Variants in SDR42E1 observed in about 807,000 individuals in gnomAD.
SDR42E1 encodes the protein short-chain dehydrogenase/reductase family 42E member 1.
A neutral mutation model predicts 2.6 loss-of-function variants in SDR42E1; 5 were observed. The observed-to-expected ratio is 1.94, with a 90% confidence interval of 1.01 to 4.08. The LOEUF is 4.08. Among genes scored for constraint, SDR42E1 ranks in the 30% most tolerant of loss-of-function variants. The pLI is 0.00. For missense variants in SDR42E1, 596 were observed against 478.6 expected (o/e 1.25, Z -2.29); for synonymous variants, 231 against 188.3 (o/e 1.23, Z -1.86).
chr16:82,007,011 T>C (rs1912962090), intron 1 of SDR42E1, among the ~76,000 whole-genome samples: 1 of 152,268 alleles, frequency 6.6e-6, no homozygotes, highest in Non-Finnish European at 1.5e-5. Flanking sequence ...TCTGCCTAGA[T>C]ACTTGTGGCA....
chr16:82,005,202 C>G (rs1022134706), intron 1 of SDR42E1, among the ~76,000 whole-genome samples: 6 of 152,172 alleles, frequency 3.9e-5, no homozygotes, highest in African/African-American at 1.2e-4. Context: ...GCACATTAAT[C>G]AAGTAAGGAA....
At position 81,995,436 on chromosome 16, in the gene SDR42E1, A is replaced by G. The variant is rs2143834448; in HGVS notation, c.*3675T>C. ...GGAGCTCCCTTTCAGGAAATAGACT[A>G]AGTCTTTTAAAGTGGTGAGTTTTCA... On this transcript the variant is annotated 3_prime_UTR_variant, in exon 3 of 3. Transcript: ENST00000328945. The G allele has an allele frequency of 6.6e-6, 1 of 152,306 alleles. No homozygotes were observed. Among genetic ancestry groups the G allele is most frequent in the Admixed American group, 6.5e-5 (1 of 15,290 alleles). 9.4% of individuals were successfully genotyped at this position (152,306 alleles called of 1,614,324 possible). A position where few individuals can be genotyped will look rare whatever the true frequency, so the allele number is the denominator to read the frequency against.
At position 82,011,140 on chromosome 16, in the gene SDR42E1, C is replaced by G. The variant is rs1000167790; in HGVS notation, c.-27+247G>C. ...GTTCGGAGCTTGGGGCCCCGATGTCCTTAAAAACAAAAAATGCGGAGGGCC... is the reference window on the plus strand; with the variant it reads ...GTTCGGAGCTTGGGGCCCCGATGTCGTTAAAAACAAAAAATGCGGAGGGCC... On this transcript the variant is annotated intron_variant, in intron 1 of 2. Transcript: ENST00000328945. Among the ~76,000 whole-genome samples the G allele has an allele frequency of 2.0e-5, 3 of 152,306 alleles. No homozygotes were observed. The East Asian group carries it at 5.8e-4, about 29-fold the overall frequency.
In SDR42E1 at chr16:81,991,335, A is replaced by ATTTGTT. The variant is rs1181286075; in HGVS notation, c.*7775_*7776insAACAAA. 1.3e-5 allele frequency: 2 copies of ATTTGTT among 152,172 alleles called. No individual in the cohort carries two copies. Among genetic ancestry groups the ATTTGTT allele is most frequent in the African/African-American group, 4.8e-5 (2 of 41,440 alleles). 9.4% of individuals were successfully genotyped at this position (152,172 alleles called of 1,614,324 possible). A position where few individuals can be genotyped will look rare whatever the true frequency, so the allele number is the denominator to read the frequency against. On this transcript the variant is annotated 3_prime_UTR_variant, in exon 3 of 3. Transcript: ENST00000328945. ...TTTACAGTTACTCATTTTTTGTAAC[A>ATTTGTT]AATAGTTTACTTTAATTGCAAATGA...
chr16:82,009,349 C>T (rs62046298), intron 1 of SDR42E1, among the ~76,000 whole-genome samples: 45,764 of 152,156 alleles, frequency 0.3, 8,412 homozygotes, highest in Admixed American at 0.48. Flanking sequence ...AGAAAAGCAG[C>T]AGACACTAAA....
rs973778734 is a variant in SDR42E1, at chr16:81,994,713, G to C, written c.*4398C>G. 6.6e-6 allele frequency: 1 copy of C among 152,172 alleles called. No homozygotes were observed. The highest frequency in any genetic ancestry group is 1.9e-4 in the East Asian group (1 of 5,188). 9.4% of individuals were successfully genotyped at this position (152,172 alleles called of 1,614,324 possible). ...TGGCCCTATAATGATGTCTAATTGG[G>C]TCAGAGCTGGGGCGTGGCATTCTGC... is the stretch of plus-strand genomic sequence containing the variant. On this transcript the variant is annotated 3_prime_UTR_variant, in exon 3 of 3. Transcript: ENST00000328945.
In SDR42E1 at chr16:81,995,041, A is replaced by G. The variant is rs1421390354; in HGVS notation, c.*4070T>C. 2 of 152,350 alleles carry G rather than the reference A, an allele frequency of 1.3e-5. No homozygotes were observed. The highest frequency in any genetic ancestry group is 2.1e-4 in the South Asian group (1 of 4,828). 9.4% of individuals were successfully genotyped at this position (152,350 alleles called of 1,614,324 possible). A position where few individuals can be genotyped will look rare whatever the true frequency, so the allele number is the denominator to read the frequency against. On this transcript the variant is annotated 3_prime_UTR_variant, in exon 3 of 3. Coordinates refer to ENST00000328945, the MANE Select transcript of SDR42E1 (RefSeq NM_145168.3). ...ACCAGAAACGGCACTGAGGACATCC[A>G]AGAAGTATTTCCAACAGGCTTTCCA...
intron 1 of SDR42E1, among the ~76,000 whole-genome samples, chr16:82,008,722 A>G (rs1035304633): frequency 1.3e-5 from 2 of 152,222 alleles, no homozygotes; most frequent in Non-Finnish European, 2.9e-5. Flanking sequence ...GATACAAAAG[A>G]AAAGAAAAAC....
chr16:81,999,903 A>G lies in SDR42E1; in HGVS notation c.390T>C (p.Gly130=). Residue 130 remains glycine (G), a synonymous_variant, in exon 3 of 3, where the codon GGT becomes GGC. Transcript: ENST00000328945. ...YTSTFNVIFG[G]QVIRNGDESL... The stretch of plus-strand genomic sequence containing the variant: ...ATTCATCCCCATTTCTGATAACTTG[A>G]CCTCCAAAGATGACATTGAAAGTGC... The G allele has an allele frequency of 1.2e-6, 2 of 1,613,974 alleles. No homozygotes were observed. Among genetic ancestry groups the G allele is most frequent in the Non-Finnish European group, 1.7e-6 (2 of 1,180,010 alleles).
Position 81,999,865 on chromosome 16 carries a change from A to C in SDR42E1, c.428T>G (p.Leu143Arg). The change falls in exon 3 of 3, where the codon CTG becomes CGG. Residue 143 changes from leucine (L) to arginine (R), a missense_variant. Transcript: ENST00000328945. Reference sequence around the variant, plus strand: ...GTGATCAGGGTGGAGGTGAAGAGGCAGGTAGGGCAGAGATTCATCCCCATT... The same window carrying C: ...GTGATCAGGGTGGAGGTGAAGAGGCCGGTAGGGCAGAGATTCATCCCCATT... ...IRNGDESLPY[L>R]PLHLHPDHYS... The C allele has an allele frequency of 6.2e-7, 1 of 1,614,204 alleles. No individual in the cohort carries two copies. Among genetic ancestry groups the C allele is most frequent in the Non-Finnish European group, 8.5e-7 (1 of 1,180,042 alleles).
In SDR42E1 at chr16:82,000,982, T is replaced by C. The variant is rs75344292; in HGVS notation, c.-26-98A>G. The C allele has an allele frequency of 6.9e-6, 5 of 728,502 alleles. No individual in the cohort carries two copies. In the East Asian group the frequency reaches 1.1e-4, roughly 16 times the overall value. 45.1% of individuals were successfully genotyped at this position (728,502 alleles called of 1,614,324 possible). A position where few individuals can be genotyped will look rare whatever the true frequency, so the allele number is the denominator to read the frequency against. ...AAAACAAAAAGTCAATACGCTGTAG[T>C]AGAATGAAAAGGTGAGGTCTGGGTC... is the stretch of plus-strand genomic sequence containing the variant. On this transcript the variant is annotated intron_variant, in intron 1 of 2. Coordinates refer to ENST00000328945, the MANE Select transcript of SDR42E1 (RefSeq NM_145168.3).
chr16:81,992,565 G>C lies in SDR42E1; in HGVS notation c.*6546C>G, dbSNP rs1055567462. On this transcript the variant is annotated 3_prime_UTR_variant, in exon 3 of 3. Coordinates refer to ENST00000328945, the MANE Select transcript of SDR42E1 (RefSeq NM_145168.3). ...CTTGGATCTGAAATATGGCTCCACT[G>C]GGAGGCTAGAGCAAAAGATATGTAG... 1 of 152,086 alleles carries C rather than the reference G, an allele frequency of 6.6e-6. No homozygotes were observed. The highest frequency in any genetic ancestry group is 2.4e-5 in the African/African-American group (1 of 41,404). The allele number at this position is 152,086 out of a possible 1,614,324, so 9.4% of individuals were successfully genotyped here.
intron 2 of SDR42E1, 21 bp downstream of exon 2, chr16:82,000,770 A>G (rs751213010): frequency 6.4e-7 from 1 of 1,550,444 alleles, no homozygotes; most frequent in Non-Finnish European, 8.9e-7. Flanking sequence ...TTCCATGTGT[A>G]TATTTTATAG....
rs138367869 is a variant in SDR42E1 at position 82,006,767 on chromosome 16, C to G, written c.-27+4620G>C. Among the ~76,000 whole-genome samples, 303 of 152,228 alleles carry G rather than the reference C, an allele frequency of 2.0e-3. 1 individual carries two copies. Among genetic ancestry groups the G allele is most frequent in the African/African-American group, 6.9e-3 (286 of 41,520 alleles). ...GCAGACTGCACCACTATACTCCAGT[C>G]TAGGCGACAGAGGGAGATTCCATCT... On this transcript the variant is annotated intron_variant, in intron 1 of 2. Transcript: ENST00000328945.
chr16:82,003,669 G>T (rs1411488607), intron 1 of SDR42E1, among the ~76,000 whole-genome samples: 4 of 152,186 alleles, frequency 2.6e-5, no homozygotes, highest in African/African-American at 9.6e-5. Context: ...AGACTTCTCT[G>T]ATCACCCTAG....
chr16:82,005,796 A>T (rs572749911), intron 1 of SDR42E1, among the ~76,000 whole-genome samples: 1 of 152,186 alleles, frequency 6.6e-6, no homozygotes, highest in East Asian at 1.9e-4. Context: ...ATTTTAGTGG[A>T]TACAGGTTAA....
chr16:82,003,392 C>A (rs918859839), intron 1 of SDR42E1, among the ~76,000 whole-genome samples: 14 of 152,208 alleles, frequency 9.2e-5, no homozygotes, highest in Non-Finnish European at 1.8e-4. Flanking sequence ...CACAACCCTT[C>A]ATGATGAATG....
In SDR42E1 at chr16:81,999,718, C is replaced by A. The variant is rs1326919865; in HGVS notation, c.575G>T (p.Gly192Val). 1 of 1,614,162 alleles carries A rather than the reference C, an allele frequency of 6.2e-7. No individual in the cohort carries two copies. Among genetic ancestry groups the A allele is most frequent in the East Asian group, 2.2e-5 (1 of 44,878 alleles). Residue 192 changes from glycine (G) to valine (V), a missense_variant, in exon 3 of 3, where the codon GGA becomes GTA. By Grantham distance (109) the Gly-to-Val change is moderately radical. Coordinates refer to ENST00000328945, the MANE Select transcript of SDR42E1 (RefSeq NM_145168.3). ...TATCCTGGGAAGGTGTCTTTGTTCT[C>A]CAGGCCCATAGATGCCAGCTGGCCT... is the stretch of plus-strand genomic sequence containing the variant. ...ALRPAGIYGP[G>V]EQRHLPRIVS...
At chr16:82,000,284 T>G (rs1912713019) in intron 2 of SDR42E1, 60 bp from the exon 3 acceptor site, 6 of 1,590,702 alleles carry the variant, frequency 3.8e-6, no homozygotes, top group Non-Finnish European at 5.1e-6. Flanking sequence ...CTAGGGGAAG[T>G]GTATAAAGTA....
Sources: gnomAD v4.1 joint callset for allele counts (sites outside exome capture counted in the v4.1 genomes callset) on GRCh38, gnomAD v4.1.1 for gene constraint, MANE v1.5 for transcripts, NCBI Gene and HGNC (gene_info 2026-07-23, HGNC 2026-07-21) for gene names.